The following SLC6A3 variants were observed in gnomAD, a reference collection of about 807,000 sequenced individuals.
SLC6A3 encodes sodium-dependent dopamine transporter.
A neutral mutation model predicts 70.4 loss-of-function variants in SLC6A3; 19 were observed. That is an observed-to-expected ratio of 0.27 (90% CI 0.19 to 0.40). SLC6A3 has a LOEUF of 0.40. Among genes scored for constraint, SLC6A3 ranks in the 10% least tolerant of loss-of-function variants. The pLI, the probability that SLC6A3 is intolerant of heterozygous loss-of-function variation, is 1.00. For missense variants in SLC6A3, 613 were observed against 838.5 expected (o/e 0.73, Z 3.32); for synonymous variants, 368 against 356.6 (o/e 1.03, Z -0.36).
chr5:1,399,107 C>G (rs1208626749), intron 14 of SLC6A3, among the ~76,000 whole-genome samples: 1 of 152,136 alleles, frequency 6.6e-6, no homozygotes, highest in African/African-American at 2.4e-5. Flanking sequence ...AGTCTCAATA[C>G]ATTTTAAATA....
At chr5:1,422,266 C>T (rs1221113780) in intron 4 of SLC6A3, among the ~76,000 whole-genome samples, 4 of 152,358 alleles carry the variant, frequency 2.6e-5, no homozygotes, top group Admixed American at 1.3e-4. Flanking sequence ...CTTGGCACCC[C>T]TGCTCACTGG....
chr5:1,407,956 C>T lies in SLC6A3; in HGVS notation c.1498+1070G>A, dbSNP rs753631368. ...AGCTGGGCGTCCTCCAAAACCGGGG[C>T]TCACGCAGCACCACAGACATTCAGC... On this transcript the variant is annotated intron_variant, in intron 11 of 14. Coordinates refer to ENST00000270349, the MANE Select transcript of SLC6A3 (RefSeq NM_001044.5). 8.0e-4 allele frequency among the ~76,000 whole-genome samples: 122 copies of T among 152,116 alleles called. 2 individuals are homozygous for T. Among genetic ancestry groups the T allele is most frequent in the Non-Finnish European group, 2.1e-4 (14 of 68,024 alleles).
intron 6 of SLC6A3, among the ~76,000 whole-genome samples, chr5:1,419,831 T>C (rs1471696903): frequency 1.5e-5 from 2 of 129,606 alleles, no homozygotes; most frequent in African/African-American, 2.9e-5. Context: ...ATAGGTGCCA[T>C]GTCCAGGTGC....
Position 1,392,900 on chromosome 5 carries a change from C to T in SLC6A3, c.*1835G>A, listed in dbSNP as rs1755607054. 6.6e-6 allele frequency: 1 copy of T among 151,160 alleles called. No homozygotes were observed. Among genetic ancestry groups the T allele is most frequent in the Non-Finnish European group, 1.5e-5 (1 of 68,110 alleles). 9.4% of individuals were successfully genotyped at this position (151,160 alleles called of 1,614,324 possible). On this transcript the variant is annotated 3_prime_UTR_variant, in exon 15 of 15. Transcript: ENST00000270349. ...ACCTGGGTTGCTACACGGAGCCCCT[C>T]CCCAGAAGGCGATGGGGAAGCCGCT...
In SLC6A3 at chr5:1,403,088, A is replaced by C. The variant is rs774463195; in HGVS notation, c.1601T>G (p.Phe534Cys). The C allele has an allele frequency of 3.1e-6, 5 of 1,613,366 alleles. No homozygotes were observed. In the Admixed American group the frequency reaches 5.0e-5, roughly 16 times the overall value. ...WKLVSPCFLL[F>C]VVVVSIVTFR... ...GGTCACAATGCTGACCACGACCACG[A>C]ACTGCAACCAGCAGATACGGAGGTC... The change falls in exon 13 of 15, where the codon TTC (phenylalanine) becomes TGC (cysteine). Residue 534 changes from phenylalanine to cysteine, a missense_variant and splice_region_variant. Physicochemically the swap from Phe to Cys is radical, Grantham distance 205. Around this residue, in one of 4 missense-constraint regions of SLC6A3, gnomAD observed 348 missense variants for 481.2 expected, o/e 0.72. Coordinates refer to ENST00000270349, the MANE Select transcript of SLC6A3 (RefSeq NM_001044.5).
chr5:1,421,968 C>G lies in SLC6A3; in HGVS notation c.700G>C (p.Gly234Arg). The G allele has an allele frequency of 6.2e-7, 1 of 1,613,048 alleles. No individual in the cohort carries two copies. Among genetic ancestry groups the G allele is most frequent in the Non-Finnish European group, 8.5e-7 (1 of 1,180,020 alleles). The change falls in exon 5 of 15, where the codon GGG becomes CGG. Residue 234 changes from glycine to arginine, a missense_variant. Coordinates refer to ENST00000270349, the MANE Select transcript of SLC6A3 (RefSeq NM_001044.5). This position sits in a 1 kb window ranked among gnomAD's most constrained non-coding sequence, Gnocchi z 7.2. Reference sequence around the variant, plus strand: ...GCTGTGAGCTGCCACCGCGGAGGCCCCAGGTCGTCGATGCCATGGCTCTGG... The same window carrying G: ...GCTGTGAGCTGCCACCGCGGAGGCCGCAGGTCGTCGATGCCATGGCTCTGG... ...LHQSHGIDDL[G>R]PPRWQLTACL...
rs1377252874 is a variant in SLC6A3 at position 1,421,539 on chromosome 5, A to C, written c.792+337T>G. ...GAGGCCCTTCCCCAAACACAGCCAC[A>C]CGTGGACCCAAAACCCAACTGTGCC... On this transcript the variant is annotated intron_variant, in intron 5 of 14. Transcript: ENST00000270349. The surrounding 1 kb of genome is among the most constrained non-coding windows in gnomAD (Gnocchi z 7.2). Among the ~76,000 whole-genome samples, 1 of 152,094 alleles carries C rather than the reference A, an allele frequency of 6.6e-6. No homozygotes were observed. The highest frequency in any genetic ancestry group is 1.5e-5 in the Non-Finnish European group (1 of 68,030).
At chr5:1,418,327 T>G (rs1314746971) in intron 6 of SLC6A3, among the ~76,000 whole-genome samples, 1 of 152,160 alleles carries the variant, frequency 6.6e-6, no homozygotes, top group Non-Finnish European at 1.5e-5. Context: ...GGACCTGCAA[T>G]TGTCCTTTCC....
Position 1,406,004 on chromosome 5 carries a change from T to G in SLC6A3, c.1599+184A>C, listed in dbSNP as rs946283931. ...TTTTCGGTGGGTCTAGAGGGGAGGG[T>G]GGAAGCCACCTTAAGGAGACTATAG... On this transcript the variant is annotated intron_variant, in intron 12 of 14. Coordinates refer to ENST00000270349, the MANE Select transcript of SLC6A3 (RefSeq NM_001044.5). This position sits in a 1 kb window ranked among gnomAD's most constrained non-coding sequence, Gnocchi z 8.8. Among the ~76,000 whole-genome samples, 4 of 151,440 alleles carry G rather than the reference T, an allele frequency of 2.6e-5. No individual in the cohort carries two copies. The highest frequency in any genetic ancestry group is 5.9e-5 in the Non-Finnish European group (4 of 67,814).
chr5:1,442,652 GC>G lies in SLC6A3; in HGVS notation c.286+259del, dbSNP rs975113582. 6.6e-6 allele frequency among the ~76,000 whole-genome samples: 1 copy of G among 151,618 alleles called. No individual in the cohort carries two copies. The highest frequency in any genetic ancestry group is 1.5e-5 in the Non-Finnish European group (1 of 67,874). On this transcript the variant is annotated intron_variant, in intron 2 of 14. Transcript: ENST00000270349. The surrounding 1 kb of genome is among the most constrained non-coding windows in gnomAD (Gnocchi z 5.0). ...GCAGAGCCAAGCTGCCCCGTCTGCC[GC>G]CCCCCACCCCCCAGCTTCTTCGCGG...
chr5:1,421,768 G>T lies in SLC6A3; in HGVS notation c.792+108C>A. 1.6e-6 allele frequency: 2 copies of T among 1,249,862 alleles called. No homozygotes were observed. Among genetic ancestry groups the T allele is most frequent in the Non-Finnish European group, 2.3e-6 (2 of 856,888 alleles). 77.4% of individuals were successfully genotyped at this position (1,249,862 alleles called of 1,614,324 possible). On this transcript the variant is annotated intron_variant, in intron 5 of 14. Transcript: ENST00000270349. The surrounding 1 kb of genome is among the most constrained non-coding windows in gnomAD (Gnocchi z 7.2). ...CAACCTGGCCATGGCCACATTGGTAGCACAAAACCCAACTGAGGCCACACG... is the reference window on the plus strand; with the variant it reads ...CAACCTGGCCATGGCCACATTGGTATCACAAAACCCAACTGAGGCCACACG...
chr5:1,400,938 T>C lies in SLC6A3; in HGVS notation c.1816A>G (p.Arg606Gly), dbSNP rs1755834811. The C allele has an allele frequency of 1.9e-5, 31 of 1,594,332 alleles. No homozygotes were observed. Among genetic ancestry groups the C allele is most frequent in the Non-Finnish European group, 2.6e-5 (30 of 1,168,376 alleles). ...ACCGTGAACTGGCGCACCTCCCCTC[T>C]GTCCACCAGCTCACGGTCCTTCTCG... ...APEKDRELVD[R>G]GEVRQFTLRH... Residue 606 changes from arginine to glycine, a missense_variant, in exon 14 of 15, where the codon AGA becomes GGA. Arg to Gly is a moderately radical substitution (Grantham distance 125, BLOSUM62 -2). Around this residue, in one of 4 missense-constraint regions of SLC6A3, gnomAD observed 348 missense variants for 481.2 expected, o/e 0.72. Transcript: ENST00000270349.
intron 1 of SLC6A3, among the ~76,000 whole-genome samples, chr5:1,444,332 C>A (rs531199523): frequency 1.3e-5 from 2 of 152,230 alleles, no homozygotes; most frequent in East Asian, 3.9e-4. Context: ...CCAGCAGCAG[C>A]GTGTTTCAGT....
intron 3 of SLC6A3, among the ~76,000 whole-genome samples, chr5:1,439,392 G>A (rs1159445617): frequency 6.6e-6 from 1 of 152,202 alleles, no homozygotes; most frequent in African/African-American, 2.4e-5. Flanking sequence ...TCCAGTGAAT[G>A]TGGAGCCCAG....
intron 14 of SLC6A3, among the ~76,000 whole-genome samples, chr5:1,398,595 C>A (rs1331668470): frequency 6.6e-6 from 1 of 152,144 alleles, no homozygotes; most frequent in Non-Finnish European, 1.5e-5. Flanking sequence ...GTAAAAAATT[C>A]TAGGTGTATG....
intron 4 of SLC6A3, among the ~76,000 whole-genome samples, chr5:1,423,515 T>C (rs1290807019): frequency 6.6e-6 from 1 of 152,262 alleles, no homozygotes; most frequent in East Asian, 1.9e-4. Flanking sequence ...CCTGCTGCTA[T>C]GAGGATTCCA....
intron 1 of SLC6A3, 131 bp from the exon 2 acceptor site, chr5:1,443,373 C>T (rs921919446): frequency 1.9e-5 from 14 of 738,980 alleles, no homozygotes; most frequent in East Asian, 5.4e-5. Context: ...GGGATGGGTG[C>T]GTTCTCAGCG....
rs1756172011 is a variant in SLC6A3 at position 1,413,376 on chromosome 5, G to A, written c.1156+1315C>T. Among the ~76,000 whole-genome samples the A allele has an allele frequency of 6.6e-6, 1 of 152,152 alleles. No homozygotes were observed. Among genetic ancestry groups the A allele is most frequent in the African/African-American group, 2.4e-5 (1 of 41,434 alleles). On this transcript the variant is annotated intron_variant, in intron 8 of 14. Transcript: ENST00000270349. This position sits in a 1 kb window ranked among gnomAD's most constrained non-coding sequence, Gnocchi z 7.1. ...TGGCTTTCTGTTGCAAGCATGGAGTGGGCCCTTTCAGGTCTCTGAGCGTGT... is the reference window on the plus strand; with the variant it reads ...TGGCTTTCTGTTGCAAGCATGGAGTAGGCCCTTTCAGGTCTCTGAGCGTGT...
At chr5:1,414,864 C>A (rs779557121) in intron 7 of SLC6A3, 49 bp from the exon 8 acceptor site, 2 of 1,611,644 alleles carry the variant, frequency 1.2e-6, no homozygotes, top group Non-Finnish European at 1.7e-6. Context: ...GCTGCAGCAG[C>A]TGCAATTTTC....
Sources: gnomAD v4.1 joint callset for allele counts (sites outside exome capture counted in the v4.1 genomes callset) on GRCh38, gnomAD v4.1.1 for gene constraint, gnomAD v4.1.1 regional missense constraint, Gnocchi (gnomAD v3.1) non-coding constraint, MANE v1.5 for transcripts, NCBI Gene and HGNC (gene_info 2026-07-23, HGNC 2026-07-21) for gene names.